The following ABCC9 variants were observed in gnomAD, a reference collection of about 807,000 sequenced individuals.
ABCC9 encodes the protein ATP-binding cassette sub-family C member 9.
In ABCC9, 95 loss-of-function variants were observed where a neutral mutation model predicts 188.3. That is an observed-to-expected ratio of 0.50 (90% CI 0.43 to 0.60). The LOEUF (loss-of-function observed/expected upper bound fraction) is 0.60. ABCC9 is among the 20% of genes least tolerant of loss of function. The pLI is 0.00. For synonymous variants in ABCC9, 659 were observed against 652.7 expected, an observed-to-expected ratio of 1.01 and a Z score of -0.15; for missense variants, 1,102 against 1,876.3, an observed-to-expected ratio of 0.59 and a Z score of 7.62.
intron 34 of ABCC9, among the ~76,000 whole-genome samples, 178 bp downstream of exon 34, chr12:21,815,585 A>G (rs982214328): frequency 1.3e-5 from 2 of 152,096 alleles, no homozygotes; most frequent in Admixed American, 1.3e-4. Context: ...TGACTTGGAG[A>G]ACATGTACTG....
chr12:21,857,200 GCA>G (rs1313845786), intron 22 of ABCC9, among the ~76,000 whole-genome samples: 3 of 152,132 alleles, frequency 2.0e-5, no homozygotes, highest in Non-Finnish European at 2.9e-5. Context: ...TGTGCATCTA[GCA>G]CAGAGTTTTT....
chr12:21,915,514 A>ATATATTTTTTTTTTTTTTT, intron 7 of ABCC9, among the ~76,000 whole-genome samples, 154 bp downstream of exon 7: 1 of 3,522 alleles, frequency 2.8e-4, no homozygotes, highest in African/African-American at 1.1e-3. Context: ...ATATATATAT[A>ATATATTTTTTTTTTTTTTT]TTTTTTTTTT....
chr12:21,823,114 T>C (rs1197895292), intron 31 of ABCC9, among the ~76,000 whole-genome samples: 1 of 152,158 alleles, frequency 6.6e-6, no homozygotes, highest in East Asian at 1.9e-4. Flanking sequence ...GAGACTCAAC[T>C]TAGGAAACAG....
chr12:21,930,403 T>C (rs1949235824), intron 4 of ABCC9, among the ~76,000 whole-genome samples: 1 of 152,162 alleles, frequency 6.6e-6, no homozygotes, highest in Admixed American at 6.6e-5. Flanking sequence ...AATTCAAATT[T>C]TTTTTTACAA....
chr12:21,872,656 G>C lies in ABCC9; in HGVS notation c.2167C>G (p.Gln723Glu), dbSNP rs1246152628. Residue 723 changes from glutamine (Q) to glutamate (E), a missense_variant, in exon 18 of 40, where the codon CAG (glutamine) becomes GAG (glutamate). This residue lies in a region of ABCC9 where 258 missense variants were observed against 325.6 expected (regional missense o/e 0.79). Transcript: ENST00000261200. The stretch of plus-strand genomic sequence containing the variant: ...CAGTGAACTTTTCCTTCCAATGTCT[G>C]CATCTCACCGAGGATGGCAAGGAGA... Reference protein sequence around the residue: ...SLLLAILGEMQTLEGKVHWSN... With the variant: ...SLLLAILGEMETLEGKVHWSN... 1 of 1,613,592 alleles carries C rather than the reference G, an allele frequency of 6.2e-7. No homozygotes were observed. The highest frequency in any genetic ancestry group is 8.5e-7 in the Non-Finnish European group (1 of 1,179,754).
chr12:21,823,877 G>T (rs998671003), intron 31 of ABCC9, among the ~76,000 whole-genome samples: 1 of 152,196 alleles, frequency 6.6e-6, no homozygotes, highest in Non-Finnish European at 1.5e-5. Flanking sequence ...AAGCAAGTCC[G>T]GTGGCCAGCC....
At chr12:21,833,380 C>G (rs1943884283) in intron 30 of ABCC9, among the ~76,000 whole-genome samples, 1 of 151,796 alleles carries the variant, frequency 6.6e-6, no homozygotes, top group Non-Finnish European at 1.5e-5. Flanking sequence ...TTTGTTTCTT[C>G]CAACTCTAAT....
intron 19 of ABCC9, among the ~76,000 whole-genome samples, chr12:21,864,021 C>G (rs961650836): frequency 5.3e-5 from 8 of 151,824 alleles, no homozygotes; most frequent in African/African-American, 1.9e-4. Flanking sequence ...CCACTCAGCT[C>G]TTTAAGGTTT....
At chr12:21,811,574 TC>T (rs927402533) in intron 36 of ABCC9, among the ~76,000 whole-genome samples, 4 of 151,350 alleles carry the variant, frequency 2.6e-5, no homozygotes, top group African/African-American at 2.4e-5. Flanking sequence ...ATGGTTGATA[TC>T]CCCCCCGCCC....
intron 36 of ABCC9, among the ~76,000 whole-genome samples, chr12:21,810,796 C>T (rs1488550227): frequency 6.6e-6 from 1 of 152,112 alleles, no homozygotes; most frequent in Admixed American, 6.6e-5. Context: ...TATGGTATTG[C>T]TAAATTACTT....
At chr12:21,805,415 G>GTGGATTCTTGCTC in intron 39 of ABCC9, 1 of 1,083,644 alleles carries the variant, frequency 9.2e-7, no homozygotes, top group Non-Finnish European at 1.4e-6. Flanking sequence ...ATATGAGCAA[G>GTGGATTCTTGCTC]AATCCACTTG....
At chr12:21,842,172 A>T in intron 29 of ABCC9, 142 bp downstream of exon 29, 2 of 993,476 alleles carry the variant, frequency 2.0e-6, no homozygotes, top group East Asian at 2.6e-5. Context: ...TCGGCACATG[A>T]CAAATTCAAG....
intron 16 of ABCC9, among the ~76,000 whole-genome samples, chr12:21,881,423 C>T (rs1946610631): frequency 6.6e-6 from 1 of 152,098 alleles, no homozygotes; most frequent in South Asian, 2.1e-4. Flanking sequence ...TTTCTTAATG[C>T]ATGAATGGTC....
intron 18 of ABCC9, among the ~76,000 whole-genome samples, chr12:21,871,154 C>T (rs895287296): frequency 3.3e-5 from 5 of 152,126 alleles, no homozygotes; most frequent in Non-Finnish European, 5.9e-5. Flanking sequence ...GTACAAGCTA[C>T]ACAATGTAAT....
At chr12:21,916,433 G>A (rs1053590658) in intron 6 of ABCC9, among the ~76,000 whole-genome samples, 4 of 152,148 alleles carry the variant, frequency 2.6e-5, no homozygotes, top group Non-Finnish European at 5.9e-5. Context: ...ACAGTATTAA[G>A]TGGTGGAAAG....
At chr12:21,930,175 T>C (rs1949222207) in intron 4 of ABCC9, among the ~76,000 whole-genome samples, 1 of 152,160 alleles carries the variant, frequency 6.6e-6, no homozygotes, top group Non-Finnish European at 1.5e-5. Context: ...TTTTTATGGC[T>C]GCATAGTATT....
At chr12:21,861,538 C>T (rs1324816058) in intron 20 of ABCC9, among the ~76,000 whole-genome samples, 4 of 151,950 alleles carry the variant, frequency 2.6e-5, no homozygotes, top group East Asian at 1.9e-4. Flanking sequence ...AGCTGGGTTC[C>T]GACTCTTAAA....
intron 4 of ABCC9, among the ~76,000 whole-genome samples, chr12:21,928,541 C>G (rs1343961356): frequency 6.6e-6 from 1 of 152,002 alleles, no homozygotes; most frequent in Non-Finnish European, 1.5e-5. Context: ...CACTCCCTAT[C>G]CAATCCTGTA....
intron 37 of ABCC9, 32 bp downstream of exon 37, chr12:21,809,820 T>TA: frequency 2.2e-6 from 3 of 1,337,868 alleles, no homozygotes; most frequent in Non-Finnish European, 2.1e-6. Flanking sequence ...ATGGCATATA[T>TA]AAAAAATAAA....
Sources: allele counts gnomAD v4.1 joint callset (sites outside exome capture counted in the v4.1 genomes callset), GRCh38; gene constraint gnomAD v4.1.1; regional missense constraint gnomAD v4.1.1; transcripts MANE v1.5; gene names NCBI Gene and HGNC (gene_info 2026-07-23, HGNC 2026-07-21).